PSG11: variants seen among roughly 807,000 people sequenced by gnomAD.
PSG11 encodes the protein pregnancy specific beta-1-glycoprotein 11.
In PSG11, 42 loss-of-function variants were observed where a neutral mutation model predicts 36.0. That is an observed-to-expected ratio of 1.17 (90% CI 0.91 to 1.51). PSG11 has a LOEUF of 1.51. PSG11 is among the 40% of genes most tolerant of loss of function. The pLI, the probability that PSG11 is intolerant of heterozygous loss-of-function variation, is 0.00. For missense variants in PSG11, 558 were observed against 403.5 expected (o/e 1.38, Z -3.28); for synonymous variants, 206 against 153.5 (o/e 1.34, Z -2.53).
chr19:43,022,871 C>T (rs4029161), intron 2 of PSG11, among the ~76,000 whole-genome samples: 4,700 of 150,202 alleles, frequency 0.031, 414 homozygotes, highest in African/African-American at 0.11. Flanking sequence ...ACAGTGTTAG[C>T]GGGAAGGGAA....
chr19:43,008,764 AG>A (rs1973996175), intron 5 of PSG11, among the ~76,000 whole-genome samples: 1 of 151,258 alleles, frequency 6.6e-6, no homozygotes, highest in Admixed American at 6.6e-5. Context: ...AGGGCCAAAA[AG>A]GTATAGTCTT....
intron 3 of PSG11, chr19:43,015,923 G>C (rs775363410): frequency 2.5e-6 from 4 of 1,609,974 alleles, no homozygotes; most frequent in Non-Finnish European, 3.4e-6. Context: ...GGGAGGCTCT[G>C]ACAATTTAGC....
intron 2 of PSG11, among the ~76,000 whole-genome samples, chr19:43,020,818 T>C (rs1051698952): frequency 2.7e-5 from 4 of 150,888 alleles, no homozygotes; most frequent in Non-Finnish European, 5.9e-5. Flanking sequence ...AAGAACTTCC[T>C]GCTTCTAATT....
intron 3 of PSG11, chr19:43,015,936 C>A (rs1224450728): frequency 1.2e-6 from 2 of 1,610,026 alleles, no homozygotes; most frequent in East Asian, 2.2e-5. Context: ...AATTTAGCCA[C>A]CAAATGTAGG....
chr19:43,015,818 G>A lies in PSG11; in HGVS notation c.710-448C>T, dbSNP rs757573878. The A allele has an allele frequency of 1.9e-5, 30 of 1,609,610 alleles. 3 individuals are homozygous for A. Among genetic ancestry groups the A allele is most frequent in the South Asian group, 4.4e-5 (4 of 90,648 alleles). ...CTGCGGATGCCACCATATCGGTCCC[G>A]TATTTCACATTGATAGGGTCCTGTT... is the stretch of plus-strand genomic sequence containing the variant. On this transcript the variant is annotated intron_variant, in intron 3 of 5. Coordinates refer to ENST00000320078, the MANE Select transcript of PSG11 (RefSeq NM_002785.3).
chr19:43,019,121 A>G lies in PSG11; in HGVS notation c.431-73T>C, dbSNP rs938025152. 76 of 1,567,664 alleles carry G rather than the reference A, an allele frequency of 4.8e-5. 2 individuals are homozygous for G. Among genetic ancestry groups the G allele is most frequent in the Non-Finnish European group, 5.9e-5 (68 of 1,158,002 alleles). On this transcript the variant is annotated intron_variant, in intron 2 of 5. Coordinates refer to ENST00000320078, the MANE Select transcript of PSG11 (RefSeq NM_002785.3). ...CCTCCAAAGGCATTTTTCAATCAGA[A>G]TTGGCATTTGCCACCTCTCAGCCCA...
intron 3 of PSG11, among the ~76,000 whole-genome samples, chr19:43,016,344 C>T (rs1966966427): frequency 6.6e-6 from 1 of 151,244 alleles, no homozygotes; most frequent in Non-Finnish European, 1.5e-5. Flanking sequence ...CCAGTCCCTC[C>T]ATAATCAGTT....
chr19:43,020,022 A>G (rs930322558), intron 2 of PSG11, among the ~76,000 whole-genome samples: 7 of 151,130 alleles, frequency 4.6e-5, no homozygotes, highest in African/African-American at 1.7e-4. Context: ...GAGTTTGACT[A>G]CTCTATGTAC....
At chr19:43,024,008 G>C (rs548847496) in intron 2 of PSG11, among the ~76,000 whole-genome samples, 16 of 151,486 alleles carry the variant, frequency 1.1e-4, no homozygotes, top group African/African-American at 3.6e-4. Flanking sequence ...CTGCTTCTGA[G>C]GACATTAGAC....
chr19:43,018,393 C>G (rs1327405992), intron 3 of PSG11: 2 of 390,016 alleles, frequency 5.1e-6, no homozygotes, highest in African/African-American at 4.1e-5. Context: ...AATAAAGTCA[C>G]AGGTGACATT....
At chr19:43,016,329 C>G (rs1397174263) in intron 3 of PSG11, among the ~76,000 whole-genome samples, 2 of 151,190 alleles carry the variant, frequency 1.3e-5, no homozygotes, top group South Asian at 2.1e-4. Flanking sequence ...CCCCTGGTAC[C>G]CCTCCCAGTC....
chr19:43,016,009 AAG>A lies in PSG11; in HGVS notation c.710-641_710-640del, dbSNP rs1306779244. On this transcript the variant is annotated intron_variant, in intron 3 of 5. Transcript: ENST00000320078. Reference sequence around the variant, plus strand: ...GACATCCTTATTCTCCCTGGGGTTTAAGTTGTTGATGGTGATGTAGGGCATGG... The same window carrying A: ...GACATCCTTATTCTCCCTGGGGTTTATTGTTGATGGTGATGTAGGGCATGG... The A allele has an allele frequency of 3.1e-6, 5 of 1,610,004 alleles. No homozygotes were observed. In the Admixed American group the frequency reaches 8.4e-5, roughly 27 times the overall value.
chr19:43,024,853 T>A lies in PSG11; in HGVS notation c.268A>T (p.Ile90Leu). ...TSYVVDGQII[I>L]YGPAYSGRET... is the part of the protein sequence containing the mutation. Reference sequence around the variant, plus strand: ...CGTCCACTGTATGCCGGTCCATATATAATTATTTGACCGTCTACTACATAT... The same window carrying A: ...CGTCCACTGTATGCCGGTCCATATAAAATTATTTGACCGTCTACTACATAT... The change falls in exon 2 of 6, where the codon ATA becomes TTA. Residue 90 changes from isoleucine to leucine, a missense_variant. Physicochemically the swap from Ile to Leu is conservative, Grantham distance 5 (BLOSUM62 2). Coordinates refer to ENST00000320078, the MANE Select transcript of PSG11 (RefSeq NM_002785.3). 6.2e-7 allele frequency: 1 copy of A among 1,611,870 alleles called. No homozygotes were observed.
chr19:43,024,733 C>T lies in PSG11; in HGVS notation c.388G>A (p.Gly130Arg), dbSNP rs758138258. 3.1e-6 allele frequency: 5 copies of T among 1,611,632 alleles called. No homozygotes were observed. The highest frequency in any genetic ancestry group is 1.7e-4 in the Middle Eastern group (1 of 6,054). ...AAATATCCAGTTACTCCTCTAGTCC[C>T]ATCACCTCGCTTTATGATGTGTAAG... ...YTLHIIKRGD[G>R]TRGVTGYFTF... Residue 130 changes from glycine (G) to arginine (R), a missense_variant, in exon 2 of 6, where the codon GGG becomes AGG. Gly to Arg is a moderately radical substitution (Grantham distance 125, BLOSUM62 -2). Transcript: ENST00000320078.
At chr19:43,020,455 G>C (rs772806710) in intron 2 of PSG11, among the ~76,000 whole-genome samples, 7 of 151,190 alleles carry the variant, frequency 4.6e-5, no homozygotes, top group Admixed American at 3.3e-4. Context: ...ATAAAAAGTT[G>C]TCAGGAGATT....
At chr19:43,010,226 C>A (rs990842970) in intron 4 of PSG11, 185 bp from the exon 5 acceptor site, 1 of 1,452,220 alleles carries the variant, frequency 6.9e-7, no homozygotes, top group Non-Finnish European at 9.1e-7. Flanking sequence ...CACCATGTTT[C>A]TCAGTTGGTG....
At chr19:43,019,286 T>C (rs1323875838) in intron 2 of PSG11, 30 of 899,764 alleles carry the variant, frequency 3.3e-5, no homozygotes, top group South Asian at 8.0e-5. Context: ...AGCAGCAGCA[T>C]TGGGTCATGG....
At position 43,018,834 on chromosome 19, in the gene PSG11, A is replaced by G. The variant is rs1267531270; in HGVS notation, c.645T>C (p.Tyr215=). 1 of 1,612,090 alleles carries G rather than the reference A, an allele frequency of 6.2e-7. No homozygotes were observed. The highest frequency in any genetic ancestry group is 8.5e-7 in the Non-Finnish European group (1 of 1,179,046). Reference sequence around the variant, plus strand: ...TCCCTGAGTTCCATATTTCACATTCATAGGGTCCTGCAGTATACTTTGTGA... The same window carrying G: ...TCCCTGAGTTCCATATTTCACATTCGTAGGGTCCTGCAGTATACTTTGTGA... ...FGVTKYTAGP[Y]ECEIWNSGSA... is the part of the protein sequence containing the mutation. Residue 215 remains tyrosine, a synonymous_variant, in exon 3 of 6, where the codon TAT becomes TAC. Transcript: ENST00000320078.
chr19:43,013,101 T>A (rs1211209221), intron 4 of PSG11, among the ~76,000 whole-genome samples: 1 of 151,360 alleles, frequency 6.6e-6, no homozygotes, highest in Non-Finnish European at 1.5e-5. Flanking sequence ...AACCTTTACC[T>A]AACACCATGT....
Sources: gnomAD v4.1 joint callset for allele counts (sites outside exome capture counted in the v4.1 genomes callset) on GRCh38, gnomAD v4.1.1 for gene constraint, MANE v1.5 for transcripts, NCBI Gene and HGNC (gene_info 2026-07-23, HGNC 2026-07-21) for gene names.